Variants in FRMD4A observed in about 807,000 individuals in gnomAD.
FRMD4A encodes FERM domain-containing protein 4A.
A neutral mutation model predicts 129.1 loss-of-function variants in FRMD4A; 29 were observed. The observed-to-expected ratio is 0.22, with a 90% CI of 0.17 to 0.31. FRMD4A has a LOEUF of 0.31. Ranked by LOEUF, FRMD4A falls within the 10% of genes least tolerant of loss-of-function variation. The pLI is 1.00. For missense variants in FRMD4A, 1,272 were observed against 1,375.8 expected (o/e 0.92, Z 1.19); for synonymous variants, 634 against 571.6 (o/e 1.11, Z -1.56).
Position 13,645,320 on chromosome 10 carries a change from T to A in FRMD4A, c.*1718A>T, listed in dbSNP as rs545837582. ...CTCCTGTCCCTGGCTGTCAATGCCTTTCCAATAGGAAGTCATTAGAGTGAG... is the reference window on the plus strand; with the variant it reads ...CTCCTGTCCCTGGCTGTCAATGCCTATCCAATAGGAAGTCATTAGAGTGAG... On this transcript the variant is annotated 3_prime_UTR_variant, in exon 25 of 25. Transcript: ENST00000357447. The A allele has an allele frequency of 6.6e-5, 10 of 151,906 alleles. No individual in the cohort carries two copies. Among genetic ancestry groups the A allele is most frequent in the African/African-American group, 2.2e-4 (9 of 41,332 alleles). 9.4% of individuals were successfully genotyped at this position (151,906 alleles called of 1,614,324 possible).
intron 2 of FRMD4A, among the ~76,000 whole-genome samples, chr10:14,149,598 G>A (rs1475879452): frequency 1.3e-5 from 2 of 152,162 alleles, no homozygotes; most frequent in African/African-American, 4.8e-5. Context: ...TGGAACTCCT[G>A]GGTTCAAGTG....
chr10:13,878,006 G>A (rs1330388558), intron 2 of FRMD4A, among the ~76,000 whole-genome samples: 1 of 152,132 alleles, frequency 6.6e-6, no homozygotes, highest in Non-Finnish European at 1.5e-5. Context: ...GCCTCTTGGT[G>A]GAAATGCTGT....
At chr10:13,810,734 T>G in intron 4 of FRMD4A, 80 bp downstream of exon 4, 2 of 681,872 alleles carry the variant, frequency 2.9e-6, no homozygotes, top group South Asian at 3.6e-5. Flanking sequence ...CTGATTTCGC[T>G]GCTAACAGCT....
intron 2 of FRMD4A, among the ~76,000 whole-genome samples, chr10:13,992,822 G>A (rs187711898): frequency 1.1e-4 from 17 of 151,810 alleles, no homozygotes; most frequent in Admixed American, 3.9e-4. Context: ...GCATGGTGGC[G>A]CATGCCTGTA....
intron 2 of FRMD4A, among the ~76,000 whole-genome samples, chr10:14,282,095 A>C (rs1269020610): frequency 1.3e-5 from 2 of 152,208 alleles, no homozygotes; most frequent in Admixed American, 6.5e-5. Flanking sequence ...TTTTCGTTAT[A>C]AAACCATCAG....
chr10:13,892,256 G>A (rs985560477), intron 2 of FRMD4A, among the ~76,000 whole-genome samples: 2 of 152,136 alleles, frequency 1.3e-5, no homozygotes, highest in Non-Finnish European at 2.9e-5. Flanking sequence ...CTGAGAGCCC[G>A]GAGACAGCAG....
At chr10:13,969,848 T>TC (rs1049251940) in intron 2 of FRMD4A, among the ~76,000 whole-genome samples, 34 of 151,764 alleles carry the variant, frequency 2.2e-4, no homozygotes, top group African/African-American at 8.0e-4. Flanking sequence ...ACCTGTTCCC[T>TC]CCCCCACCAA....
At chr10:14,173,494 A>G (rs763620302) in intron 2 of FRMD4A, among the ~76,000 whole-genome samples, 2 of 152,120 alleles carry the variant, frequency 1.3e-5, no homozygotes, top group Non-Finnish European at 2.9e-5. Flanking sequence ...CCGAGAACAC[A>G]CTGGCCTCCA....
chr10:13,655,740 C>T (rs1016146153), intron 22 of FRMD4A: 2 of 152,172 alleles, frequency 1.3e-5, no homozygotes, highest in African/African-American at 4.8e-5. Context: ...CAGAGTTCCT[C>T]CCATTTGCTT....
intron 2 of FRMD4A, among the ~76,000 whole-genome samples, chr10:14,134,936 G>C (rs1839458695): frequency 6.6e-6 from 1 of 152,162 alleles, no homozygotes. Context: ...TGTTACAGTT[G>C]ACATCAGAAT....
At chr10:14,309,721 T>C (rs1000987598) in intron 2 of FRMD4A, among the ~76,000 whole-genome samples, 1 of 151,988 alleles carries the variant, frequency 6.6e-6, no homozygotes, top group Admixed American at 6.5e-5. Context: ...CCCCTCAGGC[T>C]CCGTATGCCT....
chr10:13,856,045 T>TCTAC (rs2131028502), intron 3 of FRMD4A, among the ~76,000 whole-genome samples: 1 of 151,782 alleles, frequency 6.6e-6, no homozygotes, highest in Non-Finnish European at 1.5e-5. Flanking sequence ...TATCTATCTA[T>TCTAC]CTATCTATCT....
chr10:14,209,451 C>T (rs1345656034), intron 2 of FRMD4A, among the ~76,000 whole-genome samples: 2 of 151,994 alleles, frequency 1.3e-5, no homozygotes, highest in Non-Finnish European at 2.9e-5. Flanking sequence ...GACAAGAGTC[C>T]TCATAAGGAA....
intron 4 of FRMD4A, among the ~76,000 whole-genome samples, chr10:13,798,904 T>C (rs2093186605): frequency 1.3e-5 from 2 of 152,208 alleles, no homozygotes; most frequent in South Asian, 4.1e-4. Context: ...CAAACTTCTG[T>C]TCCTTAGCTC....
At chr10:14,143,943 A>C (rs918453904) in intron 2 of FRMD4A, among the ~76,000 whole-genome samples, 9 of 152,178 alleles carry the variant, frequency 5.9e-5, no homozygotes, top group South Asian at 2.1e-4. Flanking sequence ...ATTTTGTCAC[A>C]ATTAAAATTT....
intron 2 of FRMD4A, among the ~76,000 whole-genome samples, chr10:14,038,163 A>C (rs998300358): frequency 4.7e-4 from 71 of 152,180 alleles, no homozygotes; most frequent in African/African-American, 1.6e-3. Context: ...TCTAATAAAA[A>C]TACAAAAAAA....
At chr10:13,707,769 A>T in intron 12 of FRMD4A, 1 of 985,400 alleles carries the variant, frequency 1.0e-6, no homozygotes, top group Non-Finnish European at 1.2e-6. Flanking sequence ...AAGAAAACCA[A>T]GAGTTCTGTC....
intron 2 of FRMD4A, among the ~76,000 whole-genome samples, chr10:14,143,465 G>C (rs1206959494): frequency 1.3e-5 from 2 of 152,228 alleles, no homozygotes; most frequent in Non-Finnish European, 2.9e-5. Flanking sequence ...ATGGTGGTTG[G>C]GGAGATGGAA....
chr10:14,252,163 T>C (rs911674275), intron 2 of FRMD4A, among the ~76,000 whole-genome samples: 4 of 152,226 alleles, frequency 2.6e-5, no homozygotes, highest in Admixed American at 2.6e-4. Flanking sequence ...CTTCTCTTTC[T>C]CCTTTCCTCT....
Sources: allele counts gnomAD v4.1 joint callset (sites outside exome capture counted in the v4.1 genomes callset), GRCh38; gene constraint gnomAD v4.1.1; transcripts MANE v1.5; gene names NCBI Gene and HGNC (gene_info 2026-07-23, HGNC 2026-07-21).